LATS1: variants seen among roughly 807,000 people sequenced by gnomAD.
LATS1 encodes large tumor suppressor kinase 1, also known as serine/threonine-protein kinase LATS1.
In LATS1, 25 loss-of-function variants were observed where a neutral mutation model predicts 106.6. That is an observed-to-expected ratio of 0.23 (90% CI 0.17 to 0.33). The LOEUF is 0.33. LATS1 is among the 10% of genes least tolerant of loss of function. The pLI is 1.00. For missense variants in LATS1, 1,040 were observed against 1,382.6 expected (o/e 0.75, Z 3.93); for synonymous variants, 465 against 455.6 (o/e 1.02, Z -0.26).
At chr6:149,706,547 G>A (rs1783783857) in intron 1 of LATS1, among the ~76,000 whole-genome samples, 2 of 152,060 alleles carry the variant, frequency 1.3e-5, no homozygotes, top group South Asian at 4.1e-4. Flanking sequence ...ATCTTCTCTG[G>A]AACTTGTAAA....
At chr6:149,682,920 C>A in intron 4 of LATS1, 159 bp downstream of exon 4, 1 of 608,702 alleles carries the variant, frequency 1.6e-6, no homozygotes, top group South Asian at 3.0e-5. Flanking sequence ...ATGCTACAAT[C>A]AAAAGTACTT....
Position 149,661,996 on chromosome 6 carries a change from A to G in LATS1, c.3126T>C (p.Val1042=). Residue 1042 remains valine (V), a synonymous_variant, in exon 8 of 8, where the codon GTT becomes GTC. Transcript: ENST00000543571. ...CATCACTCCATAATTTATCAGGATC[A>G]ACAGGATCAAAATTTGATGTATCTG... ...HPTDTSNFDP[V]DPDKLWSDDN... 6.2e-7 allele frequency: 1 copy of G among 1,614,202 alleles called. No homozygotes were observed. Among genetic ancestry groups the G allele is most frequent in the Non-Finnish European group, 8.5e-7 (1 of 1,180,034 alleles).
intron 1 of LATS1, among the ~76,000 whole-genome samples, chr6:149,714,924 A>T (rs1470737094): frequency 6.6e-6 from 1 of 152,170 alleles, no homozygotes; most frequent in Non-Finnish European, 1.5e-5. Flanking sequence ...CCTGCTAAAA[A>T]ATTGCTACTA....
At chr6:149,700,202 G>A (rs1783373122) in intron 2 of LATS1, among the ~76,000 whole-genome samples, 1 of 152,206 alleles carries the variant, frequency 6.6e-6, no homozygotes, top group South Asian at 2.1e-4. Flanking sequence ...TCAGCTGGGT[G>A]TGGTGGCTCA....
Position 149,676,561 on chromosome 6 carries a change from G to T in LATS1, c.2770C>A (p.Arg924=). Reference sequence around the variant, plus strand: ...TATGAAAGAAGTGCTTTACCTGTTCGTAGCAACACTTCAGGTGCAATATAA... The same window carrying T: ...TATGAAAGAAGTGCTTTACCTGTTCTTAGCAACACTTCAGGTGCAATATAA... The part of the protein sequence containing the change: ...PNYIAPEVLL[R]TGYTQLCDWW... Residue 924 remains arginine (R), a synonymous_variant, in exon 6 of 8, where the codon CGA becomes AGA. Coordinates refer to ENST00000543571, the MANE Select transcript of LATS1 (RefSeq NM_004690.4). The T allele has an allele frequency of 6.2e-7, 1 of 1,613,406 alleles. No homozygotes were observed. Among genetic ancestry groups the T allele is most frequent in the South Asian group, 1.1e-5 (1 of 91,054 alleles).
rs747854600 is a variant in LATS1, at chr6:149,684,191, A to G, written c.898T>C (p.Tyr300His). The G allele has an allele frequency of 6.2e-7, 1 of 1,614,194 alleles. No individual in the cohort carries two copies. The highest frequency in any genetic ancestry group is 8.5e-7 in the Non-Finnish European group (1 of 1,180,034). The change falls in exon 4 of 8, where the codon TAT (tyrosine) becomes CAT (histidine). Residue 300 changes from tyrosine to histidine, a missense_variant. This residue lies in a region of LATS1 where 624 missense variants were observed against 714.8 expected (regional missense o/e 0.87). Coordinates refer to ENST00000543571, the MANE Select transcript of LATS1 (RefSeq NM_004690.4). ...GAAGTGTTGAGAGGTGGTGGAGGATAGCCCTCTTGCCATGCCCCAGGTGGG... is the reference window on the plus strand; with the variant it reads ...GAAGTGTTGAGAGGTGGTGGAGGATGGCCCTCTTGCCATGCCCCAGGTGGG... The part of the protein sequence containing the change: ...PVPPGAWQEG[Y>H]PPPPLNTSPM...
chr6:149,669,103 G>A (rs1427405502), intron 7 of LATS1, among the ~76,000 whole-genome samples: 2 of 151,924 alleles, frequency 1.3e-5, no homozygotes, highest in Admixed American at 6.6e-5. Context: ...GATTACAGGT[G>A]TGAGCCACCA....
rs1417513440 is a variant in LATS1 at position 149,707,180 on chromosome 6, T to A, written c.-140-4914A>T. Among the ~76,000 whole-genome samples the A allele has an allele frequency of 3.3e-5, 5 of 152,082 alleles. No individual in the cohort carries two copies. In the East Asian group the frequency reaches 9.7e-4, roughly 29 times the overall value. ...ACAGGTGTGTACCACCACGCCAGGCTAATTTTTGTATTTTTAGTAGAGATG... is the reference window on the plus strand; with the variant it reads ...ACAGGTGTGTACCACCACGCCAGGCAAATTTTTGTATTTTTAGTAGAGATG... On this transcript the variant is annotated intron_variant, in intron 1 of 7. Coordinates refer to ENST00000543571, the MANE Select transcript of LATS1 (RefSeq NM_004690.4).
intron 7 of LATS1, among the ~76,000 whole-genome samples, chr6:149,663,069 C>T (rs945097589): frequency 1.1e-4 from 16 of 151,988 alleles, no homozygotes; most frequent in Non-Finnish European, 1.5e-5. Context: ...ACTACCTAGT[C>T]TCTCCCGCTG....
At chr6:149,682,275 G>A (rs1782079329) in intron 4 of LATS1, among the ~76,000 whole-genome samples, 1 of 152,026 alleles carries the variant, frequency 6.6e-6, no homozygotes, top group African/African-American at 2.4e-5. Context: ...AATGAAATGA[G>A]AAGGGAGATA....
At chr6:149,679,830 ACATT>A in intron 5 of LATS1, 41 bp downstream of exon 5, 1 of 1,320,418 alleles carries the variant, frequency 7.6e-7, no homozygotes, top group Non-Finnish European at 1.0e-6. Flanking sequence ...TCAATAAATT[ACATT>A]ATTATGAACA....
chr6:149,708,485 G>A (rs1380178491), intron 1 of LATS1, among the ~76,000 whole-genome samples: 1 of 152,046 alleles, frequency 6.6e-6, no homozygotes, highest in Non-Finnish European at 1.5e-5. Flanking sequence ...CGCTGAAATG[G>A]AGGAATTGTG....
intron 6 of LATS1, 91 bp downstream of exon 6, chr6:149,676,464 T>C: frequency 7.2e-7 from 1 of 1,386,110 alleles, no homozygotes; most frequent in Non-Finnish European, 9.9e-7. Flanking sequence ...ATTAATACTT[T>C]TATTATAAGC....
In LATS1 at chr6:149,661,668, T is replaced by C; in HGVS notation, c.*61A>G. 4 of 1,442,408 alleles carry C rather than the reference T, an allele frequency of 2.8e-6. No homozygotes were observed. In the South Asian group the frequency reaches 5.6e-5, roughly 20 times the overall value. 89.4% of individuals were successfully genotyped at this position (1,442,408 alleles called of 1,614,324 possible). On this transcript the variant is annotated 3_prime_UTR_variant, in exon 8 of 8. Coordinates refer to ENST00000543571, the MANE Select transcript of LATS1 (RefSeq NM_004690.4). ...TTTGCATAATTTTACTCTCAGAACC[T>C]CAAAACACCTCGCATTTCAGGCCCT... is the stretch of plus-strand genomic sequence containing the variant.
intron 3 of LATS1, among the ~76,000 whole-genome samples, chr6:149,685,922 G>A (rs1382920378): frequency 1.3e-5 from 2 of 151,840 alleles, no homozygotes; most frequent in African/African-American, 4.8e-5. Flanking sequence ...ATTCTAGAAA[G>A]ACTAAAGGTT....
chr6:149,711,678 C>T (rs540908786), intron 1 of LATS1, among the ~76,000 whole-genome samples: 11 of 152,210 alleles, frequency 7.2e-5, no homozygotes, highest in Non-Finnish European at 7.4e-5. Context: ...AAGATTTGTA[C>T]GTTCCAAAGG....
intron 2 of LATS1, among the ~76,000 whole-genome samples, chr6:149,699,095 C>A (rs1783287370): frequency 6.8e-6 from 1 of 147,546 alleles, no homozygotes; most frequent in Non-Finnish European, 1.5e-5. Flanking sequence ...CTTGGCATAG[C>A]TAATAAAAAG....
At chr6:149,691,940 A>C (rs1299949496) in intron 3 of LATS1, among the ~76,000 whole-genome samples, 1 of 152,162 alleles carries the variant, frequency 6.6e-6, no homozygotes, top group East Asian at 1.9e-4. Context: ...TATGTAATCT[A>C]TTACCAAGTC....
chr6:149,660,580 A>T lies in LATS1; in HGVS notation c.*1149T>A, dbSNP rs1014251617. On this transcript the variant is annotated 3_prime_UTR_variant, in exon 8 of 8. Transcript: ENST00000543571. ...AAAGATAAGCTACATGTATTTTGGT[A>T]TGAAACCTTAATCTTCCTTAGAACC... 10 of 232,678 alleles carry T rather than the reference A, an allele frequency of 4.3e-5. No homozygotes were observed. Among genetic ancestry groups the T allele is most frequent in the African/African-American group, 2.2e-4 (10 of 45,336 alleles). The allele number at this position is 232,678 out of a possible 1,614,324, so 14.4% of individuals were successfully genotyped here.
Sources: allele counts gnomAD v4.1 joint callset (sites outside exome capture counted in the v4.1 genomes callset), GRCh38; gene constraint gnomAD v4.1.1; regional missense constraint gnomAD v4.1.1; transcripts MANE v1.5; gene names NCBI Gene and HGNC (gene_info 2026-07-23, HGNC 2026-07-21).